Variants in EXOC6B observed in about 807,000 individuals in gnomAD.
EXOC6B encodes the protein SEC15 homolog B.
A neutral mutation model predicts 113.5 loss-of-function variants in EXOC6B; 54 were observed. That is an observed-to-expected ratio of 0.48 (90% CI 0.38 to 0.60). The LOEUF (loss-of-function observed/expected upper bound fraction) is 0.60. Among genes scored for constraint, EXOC6B ranks in the 20% least tolerant of loss-of-function variants. The pLI is 0.00. For missense variants in EXOC6B, 797 were observed against 977.5 expected (o/e 0.82, Z 2.46); for synonymous variants, 357 against 339.0 (o/e 1.05, Z -0.58).
chr2:72,624,700 T>G (rs1671943768), intron 6 of EXOC6B, among the ~76,000 whole-genome samples: 1 of 152,146 alleles, frequency 6.6e-6, no homozygotes. Context: ...GAGCTATGAT[T>G]GCACCACTGC....
intron 20 of EXOC6B, among the ~76,000 whole-genome samples, chr2:72,215,601 C>G (rs1163789141): frequency 6.6e-6 from 1 of 152,058 alleles, no homozygotes; most frequent in Non-Finnish European, 1.5e-5. Context: ...CTTTTGCTTA[C>G]CTGGGACAGA....
chr2:72,584,915 G>A (rs920419697), intron 6 of EXOC6B, among the ~76,000 whole-genome samples: 2 of 152,062 alleles, frequency 1.3e-5, no homozygotes, highest in African/African-American at 4.8e-5. Context: ...TTACTTTTGA[G>A]TAAACAACAA....
At chr2:72,625,465 T>C (rs755336592) in intron 6 of EXOC6B, among the ~76,000 whole-genome samples, 3 of 152,126 alleles carry the variant, frequency 2.0e-5, no homozygotes, top group Admixed American at 6.6e-5. Flanking sequence ...CAAAATTGAT[T>C]GCCAGACTCT....
rs188008986 is a variant in EXOC6B at position 72,400,876 on chromosome 2, A to T, written c.1981-21006T>A. ...AATTAATATAGCCTATATAAAAGAC[A>T]GCATAAAAATTTCTCAGAAAACTAA... On this transcript the variant is annotated intron_variant, in intron 18 of 21. Coordinates refer to ENST00000272427, the MANE Select transcript of EXOC6B (RefSeq NM_015189.3). Among the ~76,000 whole-genome samples, 78 of 152,194 alleles carry T rather than the reference A, an allele frequency of 5.1e-4. No individual in the cohort carries two copies. In the East Asian group the frequency reaches 0.014, roughly 28 times the overall value.
chr2:72,307,114 T>G (rs558231545), intron 20 of EXOC6B, among the ~76,000 whole-genome samples: 1 of 152,094 alleles, frequency 6.6e-6, no homozygotes, highest in South Asian at 2.1e-4. Context: ...TCACATTCAT[T>G]TCTTAAAATC....
chr2:72,565,254 AG>A (rs1231435901), intron 7 of EXOC6B, among the ~76,000 whole-genome samples: 3 of 147,160 alleles, frequency 2.0e-5, no homozygotes, highest in African/African-American at 7.6e-5. Flanking sequence ...AGGAGGCTGA[AG>A]TGGGAGGATC....
intron 16 of EXOC6B, among the ~76,000 whole-genome samples, chr2:72,484,097 G>A (rs1699273597): frequency 6.7e-6 from 1 of 149,112 alleles, no homozygotes; most frequent in African/African-American, 2.5e-5. Context: ...TTGTATCGGA[G>A]AAAATCTAAC....
intron 6 of EXOC6B, among the ~76,000 whole-genome samples, chr2:72,592,203 T>C (rs1379149036): frequency 1.3e-5 from 2 of 152,146 alleles, no homozygotes; most frequent in East Asian, 3.9e-4. Flanking sequence ...TGGGCCAGCA[T>C]CCAGGAAAGG....
chr2:72,600,313 C>T (rs2103993324), intron 6 of EXOC6B, among the ~76,000 whole-genome samples: 1 of 151,942 alleles, frequency 6.6e-6, no homozygotes, highest in South Asian at 2.1e-4. Context: ...TGGTGGCATA[C>T]ACCTGTTAGT....
At chr2:72,585,552 A>C (rs923313975) in intron 6 of EXOC6B, among the ~76,000 whole-genome samples, 171 of 151,900 alleles carry the variant, frequency 1.1e-3, no homozygotes, top group African/African-American at 4.1e-3. Flanking sequence ...ATCCGAGATC[A>C]CGCCATTGCA....
chr2:72,808,062 TAG>T (rs1685678222), intron 1 of EXOC6B, among the ~76,000 whole-genome samples: 1 of 152,296 alleles, frequency 6.6e-6, no homozygotes, highest in African/African-American at 2.4e-5. Flanking sequence ...ACATCTCCTA[TAG>T]CCCATAAGTA....
chr2:72,254,827 T>G (rs1683254584), intron 20 of EXOC6B, among the ~76,000 whole-genome samples: 2 of 152,184 alleles, frequency 1.3e-5, no homozygotes, highest in African/African-American at 4.8e-5. Context: ...TTGTAAGCAA[T>G]GAATTTGTAT....
chr2:72,355,046 C>T (rs961488135), intron 19 of EXOC6B, among the ~76,000 whole-genome samples: 15 of 152,068 alleles, frequency 9.9e-5, no homozygotes, highest in Non-Finnish European at 2.1e-4. Context: ...GAGTTGTGTG[C>T]CTGAGAAAAT....
At chr2:72,619,886 C>T (rs1671640784) in intron 6 of EXOC6B, among the ~76,000 whole-genome samples, 1 of 152,218 alleles carries the variant, frequency 6.6e-6, no homozygotes, top group Non-Finnish European at 1.5e-5. Context: ...AGCCTGGGAG[C>T]TTCTGTGTGC....
chr2:72,474,623 C>A (rs1378499214), intron 17 of EXOC6B, among the ~76,000 whole-genome samples: 1 of 151,908 alleles, frequency 6.6e-6, no homozygotes, highest in East Asian at 1.9e-4. Flanking sequence ...TTTTTGGTAT[C>A]AATCTCTTTA....
chr2:72,558,556 G>C (rs1244120990), intron 8 of EXOC6B, among the ~76,000 whole-genome samples: 2 of 152,146 alleles, frequency 1.3e-5, no homozygotes, highest in African/African-American at 2.4e-5. Context: ...GATGACCTGA[G>C]GTCAGGAGTT....
intron 11 of EXOC6B, among the ~76,000 whole-genome samples, chr2:72,506,787 A>G (rs1336570455): frequency 1.3e-5 from 2 of 152,096 alleles, no homozygotes; most frequent in African/African-American, 2.4e-5. Context: ...TTTTCTTCAA[A>G]TATTTTATGA....
intron 20 of EXOC6B, among the ~76,000 whole-genome samples, chr2:72,193,521 C>G (rs1223482690): frequency 6.6e-6 from 1 of 152,196 alleles, no homozygotes; most frequent in African/African-American, 2.4e-5. Flanking sequence ...CTCAGTCACT[C>G]TTCTAGGTAC....
At chr2:72,681,824 C>T (rs1419466619) in intron 6 of EXOC6B, among the ~76,000 whole-genome samples, 1 of 151,890 alleles carries the variant, frequency 6.6e-6, no homozygotes, top group Non-Finnish European at 1.5e-5. Flanking sequence ...TCCTAATAGA[C>T]AATAGCCACA....
Sources: gnomAD v4.1 joint callset for allele counts (sites outside exome capture counted in the v4.1 genomes callset) on GRCh38, gnomAD v4.1.1 for gene constraint, MANE v1.5 for transcripts, NCBI Gene and HGNC (gene_info 2026-07-23, HGNC 2026-07-21) for gene names.